The following LYSMD1 variants were observed in gnomAD, a reference collection of about 807,000 sequenced individuals.
LYSMD1 encodes the protein lysM and putative peptidoglycan-binding domain-containing protein 1.
In LYSMD1, 9 loss-of-function variants were observed where a neutral mutation model predicts 19.3. That is an observed-to-expected ratio of 0.47 (90% CI 0.28 to 0.81). The LOEUF is 0.81. Ranked by LOEUF, LYSMD1 falls within the 40% of genes least tolerant of loss-of-function variation. The pLI is 0.11. For synonymous variants in LYSMD1, 111 were observed against 111.7 expected (o/e 0.99, Z 0.04); for missense variants, 262 against 279.8 (o/e 0.94, Z 0.45).
chr1:151,158,557 GC>G (rs1683309728), downstream of LYSMD1: 1 of 847,380 alleles, frequency 1.2e-6, no homozygotes. Context: ...GCCCCAGGGG[GC>G]GGAGAGGATG....
chr1:151,150,057 G>C, the LYSMD1 span, among the ~76,000 whole-genome samples: 8 of 152,136 alleles, frequency 5.3e-5, no homozygotes, highest in South Asian at 1.5e-3. Flanking sequence ...TGCAGTCCCT[G>C]GTTGTCTATC....
rs778411362 is a variant in LYSMD1 at position 151,162,029 on chromosome 1, G to A, written c.252C>T (p.Ile84=). ...GGTCTCTGGGCTCTGTCAGGATGGG[G>A]ATGTAGAGGGTTTTCTTCAGGAAGA... The part of the protein sequence containing the change: ...DSIFLKKTLY[I]PILTEPRDLF... The change falls in exon 2 of 3, where the codon ATC becomes ATT. Residue 84 remains isoleucine (I), a synonymous_variant. Coordinates refer to ENST00000368908, the MANE Select transcript of LYSMD1 (RefSeq NM_212551.5). 6.2e-7 allele frequency: 1 copy of A among 1,613,496 alleles called. No individual in the cohort carries two copies. The highest frequency in any genetic ancestry group is 1.1e-5 in the South Asian group (1 of 90,982).
downstream of LYSMD1, chr1:151,158,768 GCTCTGTGGCTCAT>G: frequency 6.2e-7 from 1 of 1,613,898 alleles, no homozygotes; most frequent in Non-Finnish European, 8.5e-7. Context: ...ATGGCGGGTC[GCTCTGTGGCTCAT>G]CTCTTCATAG....
At chr1:151,150,732 TTTTC>T in the LYSMD1 span, among the ~76,000 whole-genome samples, 5 of 145,300 alleles carry the variant, frequency 3.4e-5, 1 homozygote, top group East Asian at 2.0e-4. Context: ...TTTTCTTTTC[TTTTC>T]TTTTTTTTTT....
intron 1 of LYSMD1, among the ~76,000 whole-genome samples, chr1:151,164,432 G>A (rs1400385835): frequency 6.6e-6 from 1 of 152,136 alleles, no homozygotes; most frequent in Non-Finnish European, 1.5e-5. Context: ...GCAGGGATAG[G>A]GGGAGTAACC....
At chr1:151,151,318 T>C in the LYSMD1 span, among the ~76,000 whole-genome samples, 1 of 151,364 alleles carries the variant, frequency 6.6e-6, no homozygotes, top group Admixed American at 6.6e-5. Flanking sequence ...GCCTCCAGAG[T>C]AGCTGGGACT....
At chr1:151,156,570 G>A (rs1364562660), downstream of LYSMD1, 1 of 152,248 alleles carries the variant, frequency 6.6e-6, no homozygotes, top group African/African-American at 2.4e-5. Flanking sequence ...CCTTCTTGGT[G>A]ACAGAAGTGA....
In LYSMD1 at chr1:151,162,003, A is replaced by C. The variant is rs755982668; in HGVS notation, c.278T>G (p.Leu93Arg). ...YIPILTEPRD[L>R]FNGLDSEEEK... is the part of the protein sequence containing the mutation. The stretch of plus-strand genomic sequence containing the variant: ...TTCCTCAGAGTCCAAACCATTGAAC[A>C]GGTCTCTGGGCTCTGTCAGGATGGG... The change falls in exon 2 of 3, where the codon CTG becomes CGG. Residue 93 changes from leucine (L) to arginine (R), a missense_variant. Transcript: ENST00000368908. 1.2e-6 allele frequency: 2 copies of C among 1,613,900 alleles called. No homozygotes were observed. The highest frequency in any genetic ancestry group is 1.7e-6 in the Non-Finnish European group (2 of 1,179,988).
In LYSMD1 at chr1:151,160,791, A is replaced by G. The variant is rs1683416271; in HGVS notation, c.*91T>C. On this transcript the variant is annotated 3_prime_UTR_variant, in exon 3 of 3. Coordinates refer to ENST00000368908, the MANE Select transcript of LYSMD1 (RefSeq NM_212551.5). ...GGCTGGAGTGGAGGGAGGCAGGCTC[A>G]TAAGCCATGTTCTTGAGCCTCACCT... is the stretch of plus-strand genomic sequence containing the variant. 7 of 1,471,308 alleles carry G rather than the reference A, an allele frequency of 4.8e-6. No homozygotes were observed. The South Asian group carries it at 8.9e-5, about 19-fold the overall frequency. The allele number at this position is 1,471,308 out of a possible 1,614,324, so 91.1% of individuals were successfully genotyped here. A position where few individuals can be genotyped will look rare whatever the true frequency, so the allele number is the denominator to read the frequency against.
the LYSMD1 span, among the ~76,000 whole-genome samples, chr1:151,153,303 G>A: frequency 6.6e-6 from 1 of 152,232 alleles, no homozygotes; most frequent in African/African-American, 2.4e-5. Context: ...CAAGGCTGCA[G>A]TGAGCAGTGT....
chr1:151,154,179 T>C, the LYSMD1 span, among the ~76,000 whole-genome samples: 1 of 151,892 alleles, frequency 6.6e-6, no homozygotes, highest in Non-Finnish European at 1.5e-5. Context: ...GGTAGACAGT[T>C]AATAAAATCA....
the LYSMD1 span, among the ~76,000 whole-genome samples, chr1:151,150,930 G>C: frequency 6.6e-6 from 1 of 151,458 alleles, no homozygotes; most frequent in Non-Finnish European, 1.5e-5. Context: ...GTAGAGACAG[G>C]GTTTCGCCAT....
chr1:151,162,319 C>T (rs1018607194), intron 1 of LYSMD1, among the ~76,000 whole-genome samples: 1 of 152,010 alleles, frequency 6.6e-6, no homozygotes, highest in African/African-American at 2.4e-5. Context: ...AAGCCAGGCG[C>T]AATGTCTGAT....
At chr1:151,148,623 G>C in the LYSMD1 span, among the ~76,000 whole-genome samples, 1 of 152,166 alleles carries the variant, frequency 6.6e-6, no homozygotes, top group African/African-American at 2.4e-5. Flanking sequence ...ATTCTCCGAA[G>C]ACTGCACAGA....
At chr1:151,159,415 C>G, downstream of LYSMD1, 1 of 711,990 alleles carries the variant, frequency 1.4e-6, no homozygotes, top group Non-Finnish European at 2.3e-6. Flanking sequence ...CACCCCCAAA[C>G]AGCTAGTGGA....
Position 151,160,960 on chromosome 1 carries a change from G to C in LYSMD1, c.606C>G (p.Val202=). Residue 202 remains valine (V), a synonymous_variant, in exon 3 of 3, where the codon GTC becomes GTG. Transcript: ENST00000368908. ...LSSPWMQQRA[V]LGPVPLTRTS... ...TACGGGTCAGCGGCACAGGACCTAG[G>C]ACTGCTCGTTGCTGCATCCAAGGGG... 1 of 1,614,204 alleles carries C rather than the reference G, an allele frequency of 6.2e-7. No homozygotes were observed. The highest frequency in any genetic ancestry group is 1.1e-5 in the South Asian group (1 of 91,082).
chr1:151,163,110 C>CT (rs1245321965), intron 1 of LYSMD1, among the ~76,000 whole-genome samples: 4 of 152,104 alleles, frequency 2.6e-5, no homozygotes, highest in African/African-American at 9.7e-5. Context: ...ATTCCATGAT[C>CT]TTTTTCACAC....
chr1:151,161,981 C>T lies in LYSMD1; in HGVS notation c.300G>A (p.Glu100=). The change falls in exon 2 of 3, where the codon GAG becomes GAA. Residue 100 remains glutamate (E), a synonymous_variant. Transcript: ENST00000368908. ...CTTTTTCCTCTCCATCTTTCTCTTC[C>T]TCAGAGTCCAAACCATTGAACAGGT... ...PRDLFNGLDS[E]EEKDGEEKVH... 2 of 1,614,088 alleles carry T rather than the reference C, an allele frequency of 1.2e-6. No homozygotes were observed. Among genetic ancestry groups the T allele is most frequent in the Non-Finnish European group, 1.7e-6 (2 of 1,180,028 alleles).
chr1:151,158,694 A>G, downstream of LYSMD1: 1 of 1,591,262 alleles, frequency 6.3e-7, no homozygotes, highest in Non-Finnish European at 8.6e-7. Flanking sequence ...ACTCTCCAGG[A>G]CCCATGGAGT....
Sources: gnomAD v4.1 joint callset for allele counts (sites outside exome capture counted in the v4.1 genomes callset) on GRCh38, gnomAD v4.1.1 for gene constraint, MANE v1.5 for transcripts, NCBI Gene and HGNC (gene_info 2026-07-23, HGNC 2026-07-21) for gene names.